TMEM52B: variants seen among roughly 807,000 people sequenced by gnomAD.
TMEM52B encodes the protein chromosome 12 open reading frame 59.
In TMEM52B, 11 loss-of-function variants were observed where a neutral mutation model predicts 16.1. The ratio of observed to expected loss-of-function variants is 0.68; its 90% confidence interval spans 0.43 to 1.13. TMEM52B has a LOEUF of 1.13. TMEM52B is among the 50% of genes most tolerant of loss of function. The probability of loss-of-function intolerance (pLI) is 0.00; values close to 1 mark genes in which losing one functional copy is unlikely to be tolerated. For synonymous variants in TMEM52B, 101 were observed against 93.8 expected (o/e 1.08, Z -0.45); for missense variants, 243 against 230.4 (o/e 1.05, Z -0.35).
At chr12:10,184,600 A>C (rs1286713739) in intron 2 of TMEM52B, among the ~76,000 whole-genome samples, 3 of 151,896 alleles carry the variant, frequency 2.0e-5, no homozygotes, top group Non-Finnish European at 2.9e-5. Context: ...CTGGTGTCAG[A>C]GGGTTGGGAG....
In TMEM52B at chr12:10,179,295, C is replaced by T. The variant is rs528580193; in HGVS notation, c.-280C>T. 7 of 434,784 alleles carry T rather than the reference C, an allele frequency of 1.6e-5. No homozygotes were observed. The highest frequency in any genetic ancestry group is 3.9e-5 in the East Asian group (1 of 25,606). The allele number at this position is 434,784 out of a possible 1,614,324, so 26.9% of individuals were successfully genotyped here. A position where few individuals can be genotyped will look rare whatever the true frequency, so the allele number is the denominator to read the frequency against. On this transcript the variant is annotated 5_prime_UTR_variant, in exon 1 of 5. In the 5' UTR this introduces an upstream ATG that the reference lacks. Coordinates refer to ENST00000543484, the MANE Select transcript of TMEM52B (RefSeq NM_001384896.1). Reference sequence around the variant, plus strand: ...GATGTAGAAAGAATTAATAGTGTAACGGAAAGAAAGAAGGCAAAAGGAAGT... The same window carrying T: ...GATGTAGAAAGAATTAATAGTGTAATGGAAAGAAAGAAGGCAAAAGGAAGT...
At chr12:10,189,093 C>A (rs563209514) in intron 4 of TMEM52B, among the ~76,000 whole-genome samples, 1 of 138,952 alleles carries the variant, frequency 7.2e-6, no homozygotes, top group Middle Eastern at 4.5e-3. Context: ...CCCAGCTACT[C>A]GGGAGGACGA....
intron 1 of TMEM52B, chr12:10,172,179 C>T (rs1191863064): frequency 1.3e-6 from 1 of 754,970 alleles, no homozygotes; most frequent in Non-Finnish European, 2.3e-6. Context: ...CTACTGTTAT[C>T]TAATAGAAGA....
chr12:10,181,703 G>A (rs566723121), intron 1 of TMEM52B, among the ~76,000 whole-genome samples: 3 of 151,024 alleles, frequency 2.0e-5, no homozygotes, highest in Non-Finnish European at 3.0e-5. Flanking sequence ...CACCAAGAGG[G>A]TTATTGTGAT....
Position 10,173,213 on chromosome 12 carries a change from A to G in TMEM52B, c.-95+2362A>G, listed in dbSNP as rs1009318825. Among the ~76,000 whole-genome samples, 31 of 152,178 alleles carry G rather than the reference A, an allele frequency of 2.0e-4. 1 individual carries two copies. Among genetic ancestry groups the G allele is most frequent in the Admixed American group, 1.9e-3 (29 of 15,272 alleles). On this transcript the variant is annotated intron_variant, in intron 1 of 5. Coordinates refer to the TMEM52B transcript ENST00000381923. ...TTCTATTTTCCCTTGACAACCTCCTAACCAGATATATATCTATTAGAGATG... is the reference window on the plus strand; with the variant it reads ...TTCTATTTTCCCTTGACAACCTCCTGACCAGATATATATCTATTAGAGATG...
chr12:10,181,626 C>A (rs1464367963), intron 1 of TMEM52B, among the ~76,000 whole-genome samples: 2 of 151,790 alleles, frequency 1.3e-5, no homozygotes, highest in Non-Finnish European at 2.9e-5. Flanking sequence ...CCACGCCTGG[C>A]CTGGTCACAT....
intron 4 of TMEM52B, among the ~76,000 whole-genome samples, chr12:10,188,003 G>A (rs2908446): frequency 6.6e-6 from 1 of 151,430 alleles, no homozygotes; most frequent in African/African-American, 2.4e-5. Context: ...GGAAGCTGAG[G>A]CGTGACACTC....
intron 4 of TMEM52B, among the ~76,000 whole-genome samples, chr12:10,188,539 A>AGGAGGG (rs1555091180): frequency 1.5e-4 from 6 of 39,626 alleles, no homozygotes; most frequent in African/African-American, 4.0e-4. Context: ...GAAGGAAGGA[A>AGGAGGG]AAGAAGAAAA....
intron 4 of TMEM52B, among the ~76,000 whole-genome samples, chr12:10,187,189 C>T (rs1198266765): frequency 5.4e-5 from 8 of 147,134 alleles, no homozygotes; most frequent in East Asian, 2.1e-4. Context: ...CTGCAACCTC[C>T]GCCTTCCGGG....
chr12:10,180,942 A>G (rs1459554427), intron 1 of TMEM52B, among the ~76,000 whole-genome samples: 1 of 152,072 alleles, frequency 6.6e-6, no homozygotes, highest in Non-Finnish European at 1.5e-5. Flanking sequence ...AGTAGCAGGG[A>G]TTGCAGGCAT....
rs1459183603 is a variant in TMEM52B at position 10,190,961 on chromosome 12, G to C, written c.*821G>C. 2 of 152,310 alleles carry C rather than the reference G, an allele frequency of 1.3e-5. No homozygotes were observed. The highest frequency in any genetic ancestry group is 3.9e-4 in the East Asian group (2 of 5,180). 9.4% of individuals were successfully genotyped at this position (152,310 alleles called of 1,614,324 possible). On this transcript the variant is annotated 3_prime_UTR_variant, in exon 5 of 5. Transcript: ENST00000543484. ...ATAGTGACACACGCTAGTCTCTAGT[G>C]GTGGCCCTCACTGCCACCTAGAGGA...
chr12:10,171,982 C>T (rs1335478854), intron 1 of TMEM52B: 1 of 1,586,434 alleles, frequency 6.3e-7, no homozygotes, highest in African/African-American at 1.3e-5. Flanking sequence ...TCCCTGTACA[C>T]ATTTTCCCAT....
At chr12:10,188,229 G>A (rs886987695) in intron 4 of TMEM52B, among the ~76,000 whole-genome samples, 13 of 151,602 alleles carry the variant, frequency 8.6e-5, no homozygotes, top group East Asian at 2.0e-4. Flanking sequence ...TCAGTCCAAG[G>A]CGGGCAGATC....
In TMEM52B at chr12:10,186,472, T is replaced by G. The variant is rs376403028; in HGVS notation, c.190T>G (p.Cys64Gly). ...TCTCCTGTGTGGCCTGACGTCCCTG[T>G]GCTTCCGCTGCTGCTGTCTGAGCCG... ...LLLLCGLTSL[C>G]FRCCCLSRQQ... The change falls in exon 4 of 5, where the codon TGC becomes GGC. Residue 64 changes from cysteine to glycine, a missense_variant. By Grantham distance (159) the Cys-to-Gly change is radical (BLOSUM62 -3). Coordinates refer to ENST00000543484, the MANE Select transcript of TMEM52B (RefSeq NM_001384896.1). The G allele has an allele frequency of 6.2e-7, 1 of 1,612,600 alleles. No individual in the cohort carries two copies. The highest frequency in any genetic ancestry group is 8.5e-7 in the Non-Finnish European group (1 of 1,178,878).
intron 4 of TMEM52B, among the ~76,000 whole-genome samples, chr12:10,188,402 T>C (rs1235266461): frequency 6.7e-6 from 1 of 150,272 alleles, no homozygotes; most frequent in Non-Finnish European, 1.5e-5. Context: ...GAGGTTTCAG[T>C]GAGCCGAGAT....
intron 1 of TMEM52B, among the ~76,000 whole-genome samples, chr12:10,181,952 G>A (rs1203076625): frequency 2.7e-5 from 4 of 147,652 alleles, no homozygotes; most frequent in Non-Finnish European, 5.9e-5. Flanking sequence ...GCTTGAACCC[G>A]GGAGGTAGAG....
intron 1 of TMEM52B, chr12:10,181,993 C>G: frequency 2.4e-6 from 2 of 841,530 alleles, no homozygotes; most frequent in Non-Finnish European, 2.8e-6. Context: ...CGCCACTGCA[C>G]TCCAGCCTGG....
chr12:10,189,369 A>G (rs947038300), intron 4 of TMEM52B, among the ~76,000 whole-genome samples: 14 of 152,140 alleles, frequency 9.2e-5, no homozygotes, highest in Admixed American at 7.2e-4. Flanking sequence ...CACTCCTGTA[A>G]TCCCAGCACT....
At chr12:10,189,024 A>AAG (rs1948921761) in intron 4 of TMEM52B, among the ~76,000 whole-genome samples, 1 of 49,296 alleles carries the variant, frequency 2.0e-5, no homozygotes, top group Non-Finnish European at 4.5e-5. Flanking sequence ...CTCAAAAAAA[A>AAG]AAAAAAAAAA....
Sources: gnomAD v4.1 joint callset for allele counts (sites outside exome capture counted in the v4.1 genomes callset) on GRCh38, gnomAD v4.1.1 for gene constraint, MANE v1.5 for transcripts, NCBI Gene and HGNC (gene_info 2026-07-23, HGNC 2026-07-21) for gene names.